The following ANKRD30BL variants were observed in gnomAD, a reference collection of about 807,000 sequenced individuals.
ANKRD30BL encodes the protein putative ankyrin repeat domain-containing protein 30B-like.
ANKRD30BL carries 20 observed loss-of-function variants against 18.4 expected under a neutral mutation model. That is an observed-to-expected ratio of 1.09 (90% confidence interval 0.77 to 1.58). ANKRD30BL has a LOEUF of 1.58. Among genes scored for constraint, ANKRD30BL ranks in the 40% most tolerant of loss-of-function variants. ANKRD30BL has a pLI of 0.00. For missense variants in ANKRD30BL, 224 were observed against 268.6 expected (o/e 0.83, Z 1.16); for synonymous variants, 72 against 100.9 (o/e 0.71, Z 1.72).
chr2:132,231,487 G>A (rs532071402), intron 1 of ANKRD30BL, among the ~76,000 whole-genome samples: 89 of 152,330 alleles, frequency 5.8e-4, no homozygotes, highest in Admixed American at 9.8e-4. Context: ...TGCACGCACC[G>A]TGCACGAGCT....
chr2:132,200,354 GT>G (rs1378170392), intron 1 of ANKRD30BL, among the ~76,000 whole-genome samples: 3 of 152,046 alleles, frequency 2.0e-5, no homozygotes, highest in Non-Finnish European at 4.4e-5. Context: ...AAGTCAAATT[GT>G]CCCTGTTTGC....
chr2:132,235,613 T>C (rs1457491719), intron 1 of ANKRD30BL, among the ~76,000 whole-genome samples: 1 of 151,992 alleles, frequency 6.6e-6, no homozygotes, highest in African/African-American at 2.4e-5. Context: ...ATAAAATACC[T>C]AGGAATCCAA....
At chr2:132,243,448 T>C (rs1680392266) in intron 1 of ANKRD30BL, among the ~76,000 whole-genome samples, 1 of 151,718 alleles carries the variant, frequency 6.6e-6, no homozygotes, top group South Asian at 2.1e-4. Flanking sequence ...ATGTGTGTAC[T>C]CAAGTGACAG....
intron 1 of ANKRD30BL, among the ~76,000 whole-genome samples, chr2:132,214,433 T>C (rs1369665859): frequency 6.6e-6 from 1 of 152,014 alleles, no homozygotes; most frequent in African/African-American, 2.4e-5. Context: ...TTGGAAACAC[T>C]CTTTTTGTAG....
chr2:132,178,680 G>A (rs565931671), intron 1 of ANKRD30BL, among the ~76,000 whole-genome samples: 2 of 151,846 alleles, frequency 1.3e-5, no homozygotes, highest in Non-Finnish European at 2.9e-5. Flanking sequence ...GCTTTAGAAA[G>A]GTTAGTTGTA....
intron 1 of ANKRD30BL, among the ~76,000 whole-genome samples, chr2:132,252,905 C>T (rs1185377845): frequency 2.0e-5 from 3 of 152,166 alleles, no homozygotes; most frequent in African/African-American, 7.2e-5. Context: ...TCTTCCCTTT[C>T]TATTTTCATG....
intron 1 of ANKRD30BL, among the ~76,000 whole-genome samples, chr2:132,208,406 C>T (rs1679252281): frequency 6.6e-6 from 1 of 152,046 alleles, no homozygotes; most frequent in Non-Finnish European, 1.5e-5. Flanking sequence ...TTGTCATTTG[C>T]TCGATGTGTC....
chr2:132,228,539 C>T (rs370205727), intron 1 of ANKRD30BL, among the ~76,000 whole-genome samples: 9,961 of 139,550 alleles, frequency 0.071, 1,132 homozygotes, highest in African/African-American at 0.25. Context: ...ACTCTCTTAT[C>T]GTAAAATCTG....
chr2:132,254,823 C>T (rs1302378501), intron 1 of ANKRD30BL, among the ~76,000 whole-genome samples: 11 of 152,302 alleles, frequency 7.2e-5, no homozygotes, highest in African/African-American at 2.2e-4. Context: ...GCCAGAGTCT[C>T]GTTCGTTATT....
chr2:132,194,266 A>C (rs1678920025), intron 1 of ANKRD30BL, among the ~76,000 whole-genome samples: 1 of 152,208 alleles, frequency 6.6e-6, no homozygotes, highest in South Asian at 2.1e-4. Flanking sequence ...AAGAGCTGGT[A>C]TGAAGAACCT....
intron 1 of ANKRD30BL, among the ~76,000 whole-genome samples, chr2:132,191,298 A>G (rs1573827861): frequency 6.6e-6 from 1 of 152,174 alleles, no homozygotes; most frequent in East Asian, 1.9e-4. Context: ...CAATATGTTT[A>G]TCCTTTAGCC....
intron 1 of ANKRD30BL, among the ~76,000 whole-genome samples, chr2:132,210,552 C>G (rs1050350621): frequency 6.6e-6 from 1 of 151,978 alleles, no homozygotes; most frequent in Non-Finnish European, 1.5e-5. Flanking sequence ...CACATAAAAA[C>G]TGGACAGAAG....
upstream of ANKRD30BL, among the ~76,000 whole-genome samples, chr2:132,164,277 T>TTTTTC (rs1688147402): frequency 7.4e-6 from 1 of 135,978 alleles, no homozygotes; most frequent in Non-Finnish European, 1.5e-5. Flanking sequence ...TTCTTTTTTT[T>TTTTTC]TTTTTTTTTT....
intron 1 of ANKRD30BL, among the ~76,000 whole-genome samples, chr2:132,190,848 G>T (rs866777251): frequency 2.4e-4 from 36 of 152,146 alleles, no homozygotes; most frequent in Middle Eastern, 3.4e-3. Context: ...TTTCCTTTAT[G>T]AATATGCCAG....
intron 1 of ANKRD30BL, among the ~76,000 whole-genome samples, chr2:132,208,961 G>A (rs887034965): frequency 1.3e-5 from 2 of 152,008 alleles, no homozygotes; most frequent in Non-Finnish European, 2.9e-5. Context: ...GTGTCTGCAA[G>A]TGGATATTTG....
intron 1 of ANKRD30BL, among the ~76,000 whole-genome samples, chr2:132,256,449 G>C (rs796079017): frequency 2.6e-4 from 39 of 152,224 alleles, no homozygotes; most frequent in Non-Finnish European, 5.1e-4. Context: ...CGGCAGCCGC[G>C]AGGGACCGGC....
At position 132,208,278 on chromosome 2, in the gene ANKRD30BL, T is replaced by C. The variant is rs184231753; in HGVS notation, n.441+49251A>G. The stretch of plus-strand genomic sequence containing the variant: ...ATATGTTTTATGTTGCCTCTAACAT[T>C]CAAAAGAGCCTCTAACAGTTTTCCT... On this transcript the variant is annotated intron_variant and non_coding_transcript_variant, in intron 1 of 4. Transcript: ENST00000470729. Among the ~76,000 whole-genome samples, 241 of 152,248 alleles carry C rather than the reference T, an allele frequency of 1.6e-3. 1 individual carries two copies. Among genetic ancestry groups the C allele is most frequent in the African/African-American group, 5.4e-3 (226 of 41,544 alleles).
intron 1 of ANKRD30BL, among the ~76,000 whole-genome samples, chr2:132,246,118 G>A (rs1680492334): frequency 6.6e-6 from 1 of 151,240 alleles, no homozygotes; most frequent in African/African-American, 2.4e-5. Context: ...CCTTGGAAAC[G>A]GGAATATCTT....
At chr2:132,228,025 C>CTT (rs1195609153) in intron 1 of ANKRD30BL, among the ~76,000 whole-genome samples, 5 of 152,096 alleles carry the variant, frequency 3.3e-5, no homozygotes, top group Non-Finnish European at 5.9e-5. Context: ...TTGAAACTGT[C>CTT]TTTTTGTTGA....
Sources: gnomAD v4.1 joint callset for allele counts (sites outside exome capture counted in the v4.1 genomes callset) on GRCh38, gnomAD v4.1.1 for gene constraint, MANE v1.5 for transcripts, NCBI Gene and HGNC (gene_info 2026-07-23, HGNC 2026-07-21) for gene names.